STEAP3: variants seen among roughly 807,000 people sequenced by gnomAD.
STEAP3 encodes STEAP3 metalloreductase, also known as metalloreductase STEAP3.
STEAP3 carries 35 observed loss-of-function variants against 34.9 expected under a neutral mutation model. That is an observed-to-expected ratio of 1.00 (90% CI 0.76 to 1.33). STEAP3 has a LOEUF of 1.33. STEAP3 is among the 40% of genes most tolerant of loss of function. The pLI, the probability that STEAP3 is intolerant of heterozygous loss-of-function variation, is 0.00. For synonymous variants in STEAP3, 281 were observed against 301.6 expected, an observed-to-expected ratio of 0.93 and a Z score of 0.71; for missense variants, 652 against 667.6, an observed-to-expected ratio of 0.98 and a Z score of 0.26.
chr2:119,245,166 A>T, intron 2 of STEAP3: 1 of 353,624 alleles, frequency 2.8e-6, no homozygotes. Flanking sequence ...ATGGCACTGC[A>T]TCACATTGGT....
At chr2:119,242,317 G>A (rs17804991) in intron 2 of STEAP3, among the ~76,000 whole-genome samples, 10,879 of 152,228 alleles carry the variant, frequency 0.071, 547 homozygotes, top group African/African-American at 0.13. Context: ...AAAACTCCCC[G>A]GGGGCTTGTG....
rs538592879 is a variant in STEAP3 at position 119,258,856 on chromosome 2, T to C, written c.1215+4008T>C. ...GCAGGATGGTCTCAATCTCCTGACC[T>C]CATGATCCGCCTGCCTCGGCCTTCC... On this transcript the variant is annotated intron_variant, in intron 5 of 5. Coordinates refer to ENST00000393110, the MANE Select transcript of STEAP3 (RefSeq NM_182915.3). 1.3e-4 allele frequency among the ~76,000 whole-genome samples: 19 copies of C among 150,184 alleles called. 1 individual carries two copies. The highest frequency in any genetic ancestry group is 3.3e-4 in the Admixed American group (5 of 15,030).
intron 5 of STEAP3, chr2:119,257,800 C>T (rs838071): frequency 0.073 from 88,762 of 1,219,424 alleles, 3,488 homozygotes; most frequent in Non-Finnish European, 0.081. Context: ...ATGGGGACAG[C>T]CATGGTTCTT....
rs573953845 is a variant in STEAP3, at chr2:119,228,464, T to A, written c.-393-2156T>A. Among the ~76,000 whole-genome samples the A allele has an allele frequency of 2.4e-4, 37 of 152,288 alleles. No homozygotes were observed. In the South Asian group the frequency reaches 7.3e-3, roughly 30 times the overall value. On this transcript the variant is annotated intron_variant, in intron 1 of 5. Coordinates refer to ENST00000393110, the MANE Select transcript of STEAP3 (RefSeq NM_182915.3). Reference sequence around the variant, plus strand: ...CACTGTCCATCAAATCGCCCCAACCTGGGTGAAAGGCCAGAGCAGCTGCGG... The same window carrying A: ...CACTGTCCATCAAATCGCCCCAACCAGGGTGAAAGGCCAGAGCAGCTGCGG...
chr2:119,247,966 G>A lies in STEAP3; in HGVS notation c.810G>A (p.Pro270=), dbSNP rs1027167800. The A allele has an allele frequency of 1.4e-5, 23 of 1,613,136 alleles. No individual in the cohort carries two copies. Among genetic ancestry groups the A allele is most frequent in the African/African-American group, 5.3e-5 (4 of 74,942 alleles). Residue 270 remains proline (P), a synonymous_variant, in exon 4 of 6, where the codon CCG becomes CCA. Transcript: ENST00000393110. ...TGTCCGTGGTCAACACCACACTGCC[G>A]TGCGTGGCCTACGTGCTGCTGTCAC... ...LPVSVVNTTL[P]CVAYVLLSLV... is the part of the protein sequence containing the mutation.
chr2:119,246,242 G>A (rs1459935285), intron 3 of STEAP3: 1 of 506,608 alleles, frequency 2.0e-6, no homozygotes, highest in Admixed American at 3.4e-5. Flanking sequence ...TATGGTAACA[G>A]GGTTTCCTAG....
chr2:119,224,667 C>T (rs1346063347), intron 1 of STEAP3, among the ~76,000 whole-genome samples: 2 of 152,178 alleles, frequency 1.3e-5, no homozygotes, highest in Non-Finnish European at 1.5e-5. Flanking sequence ...GCAGAGGGCA[C>T]AGAGAGGCCT....
At chr2:119,224,869 G>A (rs1383940142) in intron 1 of STEAP3, among the ~76,000 whole-genome samples, 1 of 152,188 alleles carries the variant, frequency 6.6e-6, no homozygotes, top group Non-Finnish European at 1.5e-5. Context: ...CAACAGGAAG[G>A]CACCATTATC....
At chr2:119,257,367 C>T in intron 5 of STEAP3, 1 of 1,372,478 alleles carries the variant, frequency 7.3e-7, no homozygotes, top group Admixed American at 3.7e-5. Context: ...CCCAGGCCTG[C>T]CTCCCATCCG....
rs201605236 is a variant in STEAP3, at chr2:119,247,969, C to T, written c.813C>T (p.Cys271=). 22 of 1,612,982 alleles carry T rather than the reference C, an allele frequency of 1.4e-5. No homozygotes were observed. The highest frequency in any genetic ancestry group is 1.5e-5 in the Non-Finnish European group (18 of 1,179,980). The change falls in exon 4 of 6, where the codon TGC becomes TGT. Residue 271 remains cysteine, a synonymous_variant. Transcript: ENST00000393110. ...PVSVVNTTLP[C]VAYVLLSLVY... ...CCGTGGTCAACACCACACTGCCGTG[C>T]GTGGCCTACGTGCTGCTGTCACTCG...
At chr2:119,228,912 C>G (rs919729026) in intron 1 of STEAP3, among the ~76,000 whole-genome samples, 1 of 152,162 alleles carries the variant, frequency 6.6e-6, no homozygotes, top group African/African-American at 2.4e-5. Flanking sequence ...AACGCGTACT[C>G]TCCAGCTCCT....
intron 2 of STEAP3, among the ~76,000 whole-genome samples, chr2:119,234,136 C>T (rs540067787): frequency 6.6e-6 from 1 of 152,218 alleles, no homozygotes; most frequent in East Asian, 1.9e-4. Flanking sequence ...GGCAGACATG[C>T]TGAGCTGCCT....
At chr2:119,234,014 A>G (rs912611586) in intron 2 of STEAP3, among the ~76,000 whole-genome samples, 6 of 152,190 alleles carry the variant, frequency 3.9e-5, no homozygotes, top group African/African-American at 1.4e-4. Context: ...GGGGCAGGGG[A>G]GGGCCCCTCC....
chr2:119,263,025 G>A lies in STEAP3; in HGVS notation c.1216-32G>A, dbSNP rs977938794. The A allele has an allele frequency of 1.6e-5, 26 of 1,593,496 alleles. No homozygotes were observed. The East Asian group carries it at 3.4e-4, about 21-fold the overall frequency. On this transcript the variant is annotated intron_variant, in intron 5 of 5. Coordinates refer to ENST00000393110, the MANE Select transcript of STEAP3 (RefSeq NM_182915.3). ...GGATCACTGCATCTGTCATCCCCTC[G>A]CCCTCACTCCAGCCTTTTTTTCCCT...
At chr2:119,228,358 A>AG (rs1679107532) in intron 1 of STEAP3, among the ~76,000 whole-genome samples, 1 of 152,130 alleles carries the variant, frequency 6.6e-6, no homozygotes, top group South Asian at 2.1e-4. Flanking sequence ...GCTGGCATCC[A>AG]GGGGGGCTTT....
intron 2 of STEAP3, among the ~76,000 whole-genome samples, chr2:119,241,841 G>C (rs1558747477): frequency 1.3e-5 from 2 of 152,216 alleles, no homozygotes; most frequent in Admixed American, 1.3e-4. Context: ...TCAAAATCTG[G>C]ATCTTCTCGC....
intron 2 of STEAP3, among the ~76,000 whole-genome samples, chr2:119,241,484 A>G (rs974608995): frequency 2.0e-5 from 3 of 152,230 alleles, no homozygotes; most frequent in Non-Finnish European, 2.9e-5. Context: ...GAGGTGCTTA[A>G]CGTTTAGTTT....
chr2:119,246,092 C>A, intron 3 of STEAP3, 104 bp downstream of exon 3: 1 of 1,404,298 alleles, frequency 7.1e-7, no homozygotes, highest in Non-Finnish European at 9.6e-7. Flanking sequence ...CATAACTAAT[C>A]CTGCATCACT....
At chr2:119,258,498 T>G (rs1222544974) in intron 5 of STEAP3, among the ~76,000 whole-genome samples, 1 of 152,040 alleles carries the variant, frequency 6.6e-6, no homozygotes, top group East Asian at 1.9e-4. Context: ...ATTGAAACAG[T>G]GTATTGATTC....
Sources: allele counts gnomAD v4.1 joint callset (sites outside exome capture counted in the v4.1 genomes callset), GRCh38; gene constraint gnomAD v4.1.1; transcripts MANE v1.5; gene names NCBI Gene and HGNC (gene_info 2026-07-23, HGNC 2026-07-21).